The following ATRNL1 variants were observed in gnomAD, a reference collection of about 807,000 sequenced individuals.
The protein encoded by ATRNL1 is attractin like 1.
A neutral mutation model predicts 182.7 loss-of-function variants in ATRNL1; 95 were observed. That is an observed-to-expected ratio of 0.52 (90% CI 0.44 to 0.62). The LOEUF (loss-of-function observed/expected upper bound fraction) is 0.62. Ranked by LOEUF, ATRNL1 falls within the 20% of genes least tolerant of loss-of-function variation. The pLI, the probability that ATRNL1 is intolerant of heterozygous loss-of-function variation, is 0.00. For missense variants in ATRNL1, 1,471 were observed against 1,679.5 expected (o/e 0.88, Z 2.17); for synonymous variants, 576 against 568.3 (o/e 1.01, Z -0.19).
chr10:115,350,549 T>G (rs1268517036), intron 19 of ATRNL1, among the ~76,000 whole-genome samples: 1 of 152,068 alleles, frequency 6.6e-6, no homozygotes, highest in Non-Finnish European at 1.5e-5. Context: ...CCCCAGTGTA[T>G]GTTCTTGGCA....
At chr10:115,698,699 A>C (rs1269577380) in intron 26 of ATRNL1, among the ~76,000 whole-genome samples, 1 of 151,956 alleles carries the variant, frequency 6.6e-6, no homozygotes. Context: ...AATCACTTGA[A>C]CCTGCGAGGC....
At chr10:115,354,032 A>T (rs190857999) in intron 19 of ATRNL1, among the ~76,000 whole-genome samples, 4 of 152,252 alleles carry the variant, frequency 2.6e-5, no homozygotes, top group Admixed American at 2.6e-4. Context: ...CAATTGTTGC[A>T]CTAGAGCAAG....
intron 1 of ATRNL1, among the ~76,000 whole-genome samples, chr10:115,105,374 C>CA (rs1328171974): frequency 1.3e-5 from 2 of 152,140 alleles, no homozygotes; most frequent in Non-Finnish European, 2.9e-5. Context: ...CAAAGGGAAA[C>CA]AGAGCATAAA....
chr10:115,900,618 C>A (rs1555113392), intron 28 of ATRNL1, among the ~76,000 whole-genome samples: 1 of 151,796 alleles, frequency 6.6e-6, no homozygotes, highest in East Asian at 1.9e-4. Context: ...GTATTGTCAT[C>A]CCCATTTTGT....
chr10:115,472,585 A>T (rs530619414), intron 24 of ATRNL1, among the ~76,000 whole-genome samples: 154 of 151,062 alleles, frequency 1.0e-3, no homozygotes, highest in Non-Finnish European at 1.9e-3. Flanking sequence ...ATTCTTAAGT[A>T]TTTTATTCTT....
chr10:115,128,728 G>A (rs1348027711), intron 4 of ATRNL1, among the ~76,000 whole-genome samples: 1 of 151,710 alleles, frequency 6.6e-6, no homozygotes, highest in Non-Finnish European at 1.5e-5. Flanking sequence ...TCGGGAGGCT[G>A]AGGCAGGAGA....
chr10:115,493,146 A>T (rs1849389785), intron 24 of ATRNL1, among the ~76,000 whole-genome samples: 1 of 152,110 alleles, frequency 6.6e-6, no homozygotes, highest in Admixed American at 6.6e-5. Flanking sequence ...TTAGTGGTAG[A>T]CATGCCAGTT....
chr10:115,155,586 T>TA (rs1554881850), intron 5 of ATRNL1, among the ~76,000 whole-genome samples: 1 of 152,198 alleles, frequency 6.6e-6, no homozygotes, highest in Non-Finnish European at 1.5e-5. Context: ...CTCATGCTGT[T>TA]ACTCCTTTAC....
At chr10:115,408,483 T>C (rs1311587448) in intron 20 of ATRNL1, among the ~76,000 whole-genome samples, 1 of 152,254 alleles carries the variant, frequency 6.6e-6, no homozygotes, top group Non-Finnish European at 1.5e-5. Flanking sequence ...CTTAATATCC[T>C]GTCAGATGAA....
intron 27 of ATRNL1, among the ~76,000 whole-genome samples, chr10:115,801,972 A>C (rs1949803285): frequency 6.6e-6 from 1 of 150,716 alleles, no homozygotes; most frequent in African/African-American, 2.4e-5. Context: ...CATTACTGAC[A>C]CACAATCAAA....
chr10:115,925,589 G>C (rs1395640052), intron 28 of ATRNL1, among the ~76,000 whole-genome samples: 5 of 144,286 alleles, frequency 3.5e-5, no homozygotes, highest in African/African-American at 5.1e-5. Flanking sequence ...TGGAAAGAAA[G>C]AAAAAAAAAA....
intron 24 of ATRNL1, among the ~76,000 whole-genome samples, chr10:115,496,120 C>T (rs532382393): frequency 3.9e-5 from 6 of 152,120 alleles, no homozygotes; most frequent in Non-Finnish European, 8.8e-5. Context: ...TTTGTTTTGT[C>T]TGCAACTATA....
chr10:115,491,328 T>C (rs1363430304), intron 24 of ATRNL1, among the ~76,000 whole-genome samples: 2 of 152,160 alleles, frequency 1.3e-5, no homozygotes, highest in Non-Finnish European at 2.9e-5. Context: ...TTAAGTCTGC[T>C]GAAGCTGCCC....
At chr10:115,575,632 TTC>T (rs1854654564) in intron 26 of ATRNL1, among the ~76,000 whole-genome samples, 1 of 152,134 alleles carries the variant, frequency 6.6e-6, no homozygotes, top group Non-Finnish European at 1.5e-5. Flanking sequence ...TTTGCAAATA[TTC>T]TTTTTTATTT....
At chr10:115,107,152 C>G (rs782744424) in intron 1 of ATRNL1, among the ~76,000 whole-genome samples, 8 of 152,158 alleles carry the variant, frequency 5.3e-5, no homozygotes, top group Non-Finnish European at 8.8e-5. Context: ...CAGTCCAGCA[C>G]CAACTCAAAA....
At chr10:115,415,972 T>C (rs34516606) in intron 20 of ATRNL1, among the ~76,000 whole-genome samples, 1 of 152,062 alleles carries the variant, frequency 6.6e-6, no homozygotes, top group South Asian at 2.1e-4. Flanking sequence ...ATTTTATATC[T>C]TTTAGGTCTA....
intron 26 of ATRNL1, among the ~76,000 whole-genome samples, chr10:115,623,198 A>G (rs1857886683): frequency 6.6e-6 from 1 of 152,200 alleles, no homozygotes; most frequent in Non-Finnish European, 1.5e-5. Flanking sequence ...ACAAAAATGT[A>G]TGTACACATA....
chr10:115,750,002 T>C (rs1421344506), intron 27 of ATRNL1, among the ~76,000 whole-genome samples: 1 of 151,892 alleles, frequency 6.6e-6, no homozygotes, highest in Non-Finnish European at 1.5e-5. Flanking sequence ...TATCTAAACA[T>C]AATGTATTCC....
chr10:115,510,591 A>T (rs1554982432), intron 24 of ATRNL1, among the ~76,000 whole-genome samples: 1 of 152,032 alleles, frequency 6.6e-6, no homozygotes, highest in Admixed American at 6.6e-5. Context: ...AATAGGCTAC[A>T]GCATTGTGTA....
Sources: allele counts gnomAD v4.1 joint callset (sites outside exome capture counted in the v4.1 genomes callset), GRCh38; gene constraint gnomAD v4.1.1; transcripts MANE v1.5; gene names NCBI Gene and HGNC (gene_info 2026-07-23, HGNC 2026-07-21).